The following THSD4 variants were observed in gnomAD, a reference collection of about 807,000 sequenced individuals.
The protein encoded by THSD4 is thrombospondin type-1 domain-containing protein 4.
In THSD4, 69 loss-of-function variants were observed where a neutral mutation model predicts 119.0. The ratio of observed to expected loss-of-function variants is 0.58; its 90% CI spans 0.48 to 0.71. The LOEUF (loss-of-function observed/expected upper bound fraction) is 0.71, where lower values mean the gene tolerates loss of function less well. Among genes scored for constraint, THSD4 ranks in the 30% least tolerant of loss-of-function variants. The probability of loss-of-function intolerance (pLI) is 0.00; values close to 1 mark genes in which losing one functional copy is unlikely to be tolerated. For missense variants in THSD4, 1,393 were observed against 1,391.1 expected, an observed-to-expected ratio of 1.00 and a Z score of -0.02; for synonymous variants, 524 against 540.4, an observed-to-expected ratio of 0.97 and a Z score of 0.42.
intron 8 of THSD4, among the ~76,000 whole-genome samples, chr15:71,690,548 C>T (rs182017332): frequency 5.8e-4 from 88 of 152,314 alleles, no homozygotes; most frequent in Non-Finnish European, 6.2e-4. Flanking sequence ...AGCCTACTCC[C>T]GAGAACCTGT....
intron 3 of THSD4, among the ~76,000 whole-genome samples, chr15:71,210,215 T>G (rs889090822): frequency 7.2e-5 from 11 of 152,210 alleles, no homozygotes; most frequent in African/African-American, 2.7e-4. Flanking sequence ...ACGAATTTTT[T>G]GAACTCTAGA....
rs2141383190 is a variant in THSD4, at chr15:71,154,523, G to A, written c.30-340G>A. 2.0e-5 allele frequency among the ~76,000 whole-genome samples: 3 copies of A among 152,320 alleles called. 1 individual carries two copies. The highest frequency in any genetic ancestry group is 3.4e-3 in the Middle Eastern group (1 of 294). ...CAGGCACGGTGCATCCTCTTACTCA[G>A]TTCTCCCCTAAACCTCTAAGCCAGT... is the stretch of plus-strand genomic sequence containing the variant. On this transcript the variant is annotated intron_variant, in intron 2 of 17. Transcript: ENST00000261862.
intron 6 of THSD4, among the ~76,000 whole-genome samples, chr15:71,344,290 G>A (rs1256701310): frequency 6.6e-6 from 1 of 151,920 alleles, no homozygotes; most frequent in Non-Finnish European, 1.5e-5. Context: ...TGATCCACCC[G>A]CCTCGGCCCC....
At chr15:71,555,172 A>G (rs2048999652) in intron 7 of THSD4, among the ~76,000 whole-genome samples, 1 of 152,212 alleles carries the variant, frequency 6.6e-6, no homozygotes, top group African/African-American at 2.4e-5. Context: ...AGAATGCAGT[A>G]CTGAATTGGC....
chr15:71,508,439 C>T (rs1301874499), intron 7 of THSD4, among the ~76,000 whole-genome samples: 1 of 152,174 alleles, frequency 6.6e-6, no homozygotes. Flanking sequence ...TGGCCAGATC[C>T]TCCCTACCCA....
intron 4 of THSD4, among the ~76,000 whole-genome samples, chr15:71,217,848 A>G (rs112320201): frequency 1.2e-3 from 169 of 140,338 alleles, no homozygotes; most frequent in African/African-American, 3.7e-3. Flanking sequence ...GTGCAGTGGT[A>G]CCATCTCAGT....
chr15:71,610,349 A>G (rs1425870285), intron 7 of THSD4, among the ~76,000 whole-genome samples: 1 of 152,152 alleles, frequency 6.6e-6, no homozygotes, highest in African/African-American at 2.4e-5. Flanking sequence ...TTCCAGTGCA[A>G]GAGGATGTCA....
chr15:71,687,644 A>G (rs549210021), intron 8 of THSD4, among the ~76,000 whole-genome samples: 1 of 151,728 alleles, frequency 6.6e-6, no homozygotes. Flanking sequence ...AATCCCAGTT[A>G]CTCGGAAGGC....
chr15:71,548,731 T>G (rs1441536508), intron 7 of THSD4, among the ~76,000 whole-genome samples: 2 of 152,218 alleles, frequency 1.3e-5, no homozygotes, highest in Non-Finnish European at 2.9e-5. Flanking sequence ...TAGTTGTAGT[T>G]GAAGTTCGCA....
intron 3 of THSD4, among the ~76,000 whole-genome samples, chr15:71,193,411 G>A (rs1354467701): frequency 6.6e-6 from 1 of 152,170 alleles, no homozygotes; most frequent in African/African-American, 2.4e-5. Context: ...GACGCACAGG[G>A]AAATACCTCT....
chr15:71,346,593 T>C (rs112345485), intron 6 of THSD4, among the ~76,000 whole-genome samples: 1,602 of 152,290 alleles, frequency 0.011, 28 homozygotes, highest in African/African-American at 0.037. Flanking sequence ...TTACCAGTCC[T>C]AGCCCTGGAA....
At chr15:71,653,272 C>A (rs2051127517) in intron 7 of THSD4, among the ~76,000 whole-genome samples, 2 of 152,196 alleles carry the variant, frequency 1.3e-5, no homozygotes, top group South Asian at 2.1e-4. Flanking sequence ...ATTAAGTGTT[C>A]TTTGCTTATT....
At chr15:71,295,684 T>TAAA (rs35437901) in intron 6 of THSD4, among the ~76,000 whole-genome samples, 6,291 of 146,948 alleles carry the variant, frequency 0.043, 173 homozygotes, top group South Asian at 0.083. Context: ...ACATTTTCTT[T>TAAA]AAAAAAAAAA....
At chr15:71,692,121 A>C (rs2052065964) in intron 8 of THSD4, among the ~76,000 whole-genome samples, 1 of 152,230 alleles carries the variant, frequency 6.6e-6, no homozygotes, top group African/African-American at 2.4e-5. Flanking sequence ...TTAGTTTAAG[A>C]GTAACAAAAT....
chr15:71,373,573 G>T (rs1026266241), intron 6 of THSD4, among the ~76,000 whole-genome samples: 1 of 152,110 alleles, frequency 6.6e-6, no homozygotes, highest in Non-Finnish European at 1.5e-5. Context: ...ATCTTTTCTG[G>T]ATCCATAAGA....
chr15:71,443,558 C>T lies in THSD4; in HGVS notation c.1152+31735C>T, dbSNP rs144987898. On this transcript the variant is annotated intron_variant, in intron 7 of 17. Transcript: ENST00000261862. ...GCAAAGAGGAAGCATTGAAACAGCCCTTTGAAAATACATGTTAAGTTCAGA... is the reference window on the plus strand; with the variant it reads ...GCAAAGAGGAAGCATTGAAACAGCCTTTTGAAAATACATGTTAAGTTCAGA... Among the ~76,000 whole-genome samples, 192 of 152,254 alleles carry T rather than the reference C, an allele frequency of 1.3e-3. 5 individuals are homozygous for T. The highest frequency in any genetic ancestry group is 1.2e-3 in the Non-Finnish European group (83 of 68,024).
intron 7 of THSD4, among the ~76,000 whole-genome samples, chr15:71,643,543 T>G (rs62024267): frequency 0.056 from 8,452 of 152,266 alleles, 282 homozygotes; most frequent in Non-Finnish European, 0.068. Flanking sequence ...TTCCCACTTG[T>G]AAGTGAGAAC....
intron 6 of THSD4, among the ~76,000 whole-genome samples, chr15:71,280,439 G>T (rs1356597403): frequency 6.6e-6 from 1 of 152,158 alleles, no homozygotes; most frequent in Non-Finnish European, 1.5e-5. Flanking sequence ...GGAACAAAAG[G>T]GGTGAAAATA....
At chr15:71,307,231 G>T (rs1249108762) in intron 6 of THSD4, among the ~76,000 whole-genome samples, 1 of 152,156 alleles carries the variant, frequency 6.6e-6, no homozygotes, top group African/African-American at 2.4e-5. Flanking sequence ...AATATGCCCA[G>T]GTCCTCCATG....
Sources: gnomAD v4.1 joint callset for allele counts (sites outside exome capture counted in the v4.1 genomes callset) on GRCh38, gnomAD v4.1.1 for gene constraint, MANE v1.5 for transcripts, NCBI Gene and HGNC (gene_info 2026-07-23, HGNC 2026-07-21) for gene names.